The following SUCLG2 variants were observed in gnomAD, a reference collection of about 807,000 sequenced individuals.
The protein encoded by SUCLG2 is succinate--CoA ligase [GDP-forming] subunit beta, mitochondrial.
A neutral mutation model predicts 47.9 loss-of-function variants in SUCLG2; 42 were observed. That is an observed-to-expected ratio of 0.88 (90% CI 0.69 to 1.14). SUCLG2 has a LOEUF of 1.14. Ranked by LOEUF, SUCLG2 falls within the 50% of genes most tolerant of loss-of-function variation. SUCLG2 has a pLI of 0.00. For synonymous variants in SUCLG2, 195 were observed against 197.3 expected (o/e 0.99, Z 0.10); for missense variants, 571 against 525.9 (o/e 1.09, Z -0.84).
At chr3:67,368,759 C>A (rs926596831) in intron 10 of SUCLG2, among the ~76,000 whole-genome samples, 15 of 152,128 alleles carry the variant, frequency 9.9e-5, no homozygotes, top group Non-Finnish European at 1.2e-4. Flanking sequence ...GTACCCGCCA[C>A]CACATCCAGC....
intron 2 of SUCLG2, among the ~76,000 whole-genome samples, chr3:67,559,259 C>T (rs1707243442): frequency 6.6e-6 from 1 of 152,128 alleles, no homozygotes; most frequent in African/African-American, 2.4e-5. Context: ...AGTAAGAAAA[C>T]TACCTGTATT....
At chr3:67,411,117 T>A (rs1702923901) in intron 9 of SUCLG2, among the ~76,000 whole-genome samples, 1 of 152,268 alleles carries the variant, frequency 6.6e-6, no homozygotes, top group Non-Finnish European at 1.5e-5. Flanking sequence ...TGTCTACCCA[T>A]CTATTGTTGC....
intron 2 of SUCLG2, among the ~76,000 whole-genome samples, chr3:67,559,550 C>A (rs1707252936): frequency 6.6e-6 from 1 of 152,088 alleles, no homozygotes; most frequent in Non-Finnish European, 1.5e-5. Flanking sequence ...CAATCACCTC[C>A]CACCAAATTC....
intron 10 of SUCLG2, among the ~76,000 whole-genome samples, chr3:67,367,879 A>G (rs1202955581): frequency 6.6e-6 from 1 of 152,272 alleles, no homozygotes; most frequent in East Asian, 1.9e-4. Flanking sequence ...TAGCTATAAG[A>G]TATTTTATAT....
intron 1 of SUCLG2, among the ~76,000 whole-genome samples, chr3:67,649,237 C>T (rs1175344870): frequency 1.3e-5 from 2 of 152,160 alleles, no homozygotes; most frequent in African/African-American, 2.4e-5. Flanking sequence ...GAACACAGCT[C>T]AATTGCAGTA....
chr3:67,520,724 G>T, intron 4 of SUCLG2, 90 bp from the exon 5 acceptor site: 1 of 1,456,692 alleles, frequency 6.9e-7, no homozygotes, highest in Non-Finnish European at 9.3e-7. Flanking sequence ...GAATCAAATG[G>T]CTTCATTTTC....
At chr3:67,627,034 A>T (rs1700844718) in intron 1 of SUCLG2, among the ~76,000 whole-genome samples, 1 of 151,956 alleles carries the variant, frequency 6.6e-6, no homozygotes, top group African/African-American at 2.4e-5. Context: ...AGGACTAGAG[A>T]TGGGTTGAAA....
chr3:67,636,129 AAG>A (rs1323807499), intron 1 of SUCLG2, among the ~76,000 whole-genome samples: 1 of 152,130 alleles, frequency 6.6e-6, no homozygotes, highest in Non-Finnish European at 1.5e-5. Flanking sequence ...TTAAATGACA[AAG>A]AGTCTTCACC....
At chr3:67,589,579 G>C (rs761034484) in intron 2 of SUCLG2, among the ~76,000 whole-genome samples, 1 of 152,204 alleles carries the variant, frequency 6.6e-6, no homozygotes, top group East Asian at 1.9e-4. Context: ...GGATTGTCCA[G>C]AGCCTATATA....
At chr3:67,367,380 T>C (rs1298388205) in intron 10 of SUCLG2, among the ~76,000 whole-genome samples, 2 of 152,218 alleles carry the variant, frequency 1.3e-5, no homozygotes, top group African/African-American at 2.4e-5. Context: ...GTTCAAGATC[T>C]CAGAGAAATG....
Position 67,587,302 on chromosome 3 carries a change from C to T in SUCLG2, c.226+22153G>A, listed in dbSNP as rs138073194. 7.9e-5 allele frequency among the ~76,000 whole-genome samples: 12 copies of T among 152,198 alleles called. 1 individual carries two copies. The highest frequency in any genetic ancestry group is 7.2e-4 in the Admixed American group (11 of 15,292). On this transcript the variant is annotated intron_variant, in intron 2 of 10. Transcript: ENST00000307227. ...GAAAATAGGTAGGACTGTTTCTAGC[C>T]GTCTGATCTACCTGGAGACAAACAA... is the stretch of plus-strand genomic sequence containing the variant.
intron 7 of SUCLG2, among the ~76,000 whole-genome samples, chr3:67,503,919 T>C (rs1384058541): frequency 6.6e-6 from 1 of 152,172 alleles, no homozygotes; most frequent in Admixed American, 6.5e-5. Context: ...CCTCTGACCC[T>C]AGAATTTTAA....
At chr3:67,472,974 G>A (rs919239841) in intron 9 of SUCLG2, among the ~76,000 whole-genome samples, 2 of 152,018 alleles carry the variant, frequency 1.3e-5, no homozygotes, top group African/African-American at 4.8e-5. Context: ...AAAATAAAAT[G>A]GCCACTAAAA....
At chr3:67,637,030 T>C (rs72917913) in intron 1 of SUCLG2, among the ~76,000 whole-genome samples, 9,579 of 151,982 alleles carry the variant, frequency 0.063, 995 homozygotes, top group African/African-American at 0.22. Flanking sequence ...TGAGTGATTA[T>C]TGATGTCTAC....
At chr3:67,437,089 T>A (rs1174902298) in intron 9 of SUCLG2, among the ~76,000 whole-genome samples, 1 of 152,106 alleles carries the variant, frequency 6.6e-6, no homozygotes, top group South Asian at 2.1e-4. Flanking sequence ...CCTTCTAGTA[T>A]GTTTCTGGGA....
At position 67,506,232 on chromosome 3, in the gene SUCLG2, C is replaced by T. The variant is rs78102010; in HGVS notation, c.757+2575G>A. Among the ~76,000 whole-genome samples the T allele has an allele frequency of 4.5e-3, 687 of 152,220 alleles. 8 individuals carry two copies. The East Asian group carries it at 0.054, about 12-fold the overall frequency. Reference sequence around the variant, plus strand: ...CTAAATAAAAGATAGCTTGAGGGGACTGTGATAATGATGAAGATCAATTTG... The same window carrying T: ...CTAAATAAAAGATAGCTTGAGGGGATTGTGATAATGATGAAGATCAATTTG... On this transcript the variant is annotated intron_variant, in intron 7 of 10. Coordinates refer to ENST00000307227, the MANE Select transcript of SUCLG2 (RefSeq NM_003848.4).
intron 4 of SUCLG2, among the ~76,000 whole-genome samples, chr3:67,526,548 G>A (rs1345798872): frequency 1.3e-5 from 2 of 152,164 alleles, no homozygotes; most frequent in Admixed American, 6.5e-5. Context: ...TCCATGAACA[G>A]ACAATTCACC....
intron 2 of SUCLG2, among the ~76,000 whole-genome samples, chr3:67,558,962 G>T (rs1260294235): frequency 6.6e-6 from 1 of 152,080 alleles, no homozygotes; most frequent in Admixed American, 6.6e-5. Context: ...TTCAAGATAA[G>T]CAGTGTGACA....
chr3:67,394,223 C>G (rs147084252), intron 10 of SUCLG2, among the ~76,000 whole-genome samples: 1 of 151,882 alleles, frequency 6.6e-6, no homozygotes. Context: ...CAAACTACTC[C>G]GAGCTACAGG....
Sources: gnomAD v4.1 joint callset for allele counts (sites outside exome capture counted in the v4.1 genomes callset) on GRCh38, gnomAD v4.1.1 for gene constraint, MANE v1.5 for transcripts, NCBI Gene and HGNC (gene_info 2026-07-23, HGNC 2026-07-21) for gene names.